The following DLG5 variants were observed in gnomAD, a reference collection of about 807,000 sequenced individuals.
The protein encoded by DLG5 is discs large MAGUK scaffold protein 5.
A neutral mutation model predicts 189.8 loss-of-function variants in DLG5; 48 were observed. That is an observed-to-expected ratio of 0.25 (90% confidence interval 0.20 to 0.32). DLG5 has a LOEUF of 0.32. Among genes scored for constraint, DLG5 ranks in the 10% least tolerant of loss-of-function variants. The pLI, the probability that DLG5 is intolerant of heterozygous loss-of-function variation, is 1.00. For synonymous variants in DLG5, 1,016 were observed against 1,054.1 expected (o/e 0.96, Z 0.70); for missense variants, 2,160 against 2,544.7 (o/e 0.85, Z 3.25).
rs182334689 is a variant in DLG5 at position 77,823,039 on chromosome 10, C to T, written c.2383-938G>A. Among the ~76,000 whole-genome samples, 9 of 152,272 alleles carry T rather than the reference C, an allele frequency of 5.9e-5. No homozygotes were observed. The East Asian group carries it at 1.7e-3, about 29-fold the overall frequency. Reference sequence around the variant, plus strand: ...TCACAGAAAATACACCAAGACTGAACCTTAATGTAAACTATGCATTATAGT... The same window carrying T: ...TCACAGAAAATACACCAAGACTGAATCTTAATGTAAACTATGCATTATAGT... On this transcript the variant is annotated intron_variant, in intron 14 of 31. Coordinates refer to ENST00000372391, the MANE Select transcript of DLG5 (RefSeq NM_004747.4).
intron 6 of DLG5, among the ~76,000 whole-genome samples, chr10:77,842,787 ACT>A (rs1843488424): frequency 6.6e-6 from 1 of 152,058 alleles, no homozygotes; most frequent in Non-Finnish European, 1.5e-5. Flanking sequence ...TGTTTGGGAA[ACT>A]CTGCATCTTG....
intron 1 of DLG5, among the ~76,000 whole-genome samples, chr10:77,904,024 G>T (rs1333944275): frequency 2.0e-5 from 3 of 152,176 alleles, no homozygotes; most frequent in Non-Finnish European, 4.4e-5. Context: ...GCTGCTCTAA[G>T]TCAAGTGTGG....
intron 11 of DLG5, among the ~76,000 whole-genome samples, chr10:77,829,965 T>C (rs985646556): frequency 6.6e-6 from 1 of 152,198 alleles, no homozygotes; most frequent in Non-Finnish European, 1.5e-5. Context: ...CGCATACCCC[T>C]TGAGCACTTT....
intron 1 of DLG5, among the ~76,000 whole-genome samples, chr10:77,873,240 C>G (rs1488172514): frequency 6.6e-6 from 1 of 152,218 alleles, no homozygotes; most frequent in East Asian, 1.9e-4. Context: ...AAGGAACTAC[C>G]TGGGCAACGT....
rs533159178 is a variant in DLG5, at chr10:77,824,197, C to A, written c.2382+187G>T. 1.2e-4 allele frequency among the ~76,000 whole-genome samples: 19 copies of A among 152,364 alleles called. 1 individual carries two copies. The South Asian group carries it at 3.9e-3, about 32-fold the overall frequency. The stretch of plus-strand genomic sequence containing the variant: ...TTCAAATGTACCCAACTGTGCCCAA[C>A]ATGGCCTTGACTGCTGTTTTTTGAT... On this transcript the variant is annotated intron_variant, in intron 14 of 31. Transcript: ENST00000372391.
At chr10:77,822,692 TTAAACA>T (rs949720779) in intron 14 of DLG5, among the ~76,000 whole-genome samples, 30 of 152,278 alleles carry the variant, frequency 2.0e-4, no homozygotes, top group Non-Finnish European at 1.9e-4. Context: ...TTTTTAAATA[TTAAACA>T]TAAAAGTAAA....
chr10:77,818,872 A>T (rs1842193601), intron 17 of DLG5, among the ~76,000 whole-genome samples: 1 of 152,008 alleles, frequency 6.6e-6, no homozygotes, highest in South Asian at 2.1e-4. Flanking sequence ...GTATCCTCTT[A>T]TAATTAGGAT....
chr10:77,880,962 C>CTTTTTTTT (rs61636782), intron 1 of DLG5, among the ~76,000 whole-genome samples: 5 of 73,238 alleles, frequency 6.8e-5, no homozygotes, highest in Non-Finnish European at 1.2e-4. Flanking sequence ...AACCCTAGAC[C>CTTTTTTTT]TTTTTTTTTT....
chr10:77,871,536 CTT>C (rs34326711), intron 1 of DLG5, among the ~76,000 whole-genome samples: 13 of 83,910 alleles, frequency 1.5e-4, no homozygotes, highest in Admixed American at 3.7e-4. Context: ...AAGCATCACA[CTT>C]TTTTTTTTTT....
intron 27 of DLG5, among the ~76,000 whole-genome samples, chr10:77,800,077 G>T (rs1394081049): frequency 3.3e-5 from 5 of 152,164 alleles, no homozygotes; most frequent in Admixed American, 6.5e-5. Flanking sequence ...TTGCAGGTGG[G>T]TGCACAATCA....
the DLG5 span, among the ~76,000 whole-genome samples, chr10:77,935,325 T>G: frequency 6.6e-6 from 1 of 152,042 alleles, no homozygotes; most frequent in African/African-American, 2.4e-5. Flanking sequence ...GACACTGCCC[T>G]AGGCACTCAA....
rs1842380572 is a variant in DLG5 at position 77,821,835 on chromosome 10, G to A, written c.2649C>T (p.Ala883=). Reference sequence around the variant, plus strand: ...GGCTACGCTCAGAGGCACTGGGACAGGCCTGGGGGCAGACCTGCAAGGGTC... The same window carrying A: ...GGCTACGCTCAGAGGCACTGGGACAAGCCTGGGGGCAGACCTGCAAGGGTC... ...PGGPLQVCPQ[A]CPSASERSLS... is the part of the protein sequence containing the mutation. Residue 883 remains alanine (A), a synonymous_variant, in exon 15 of 32, where the codon GCC becomes GCT. Coordinates refer to ENST00000372391, the MANE Select transcript of DLG5 (RefSeq NM_004747.4). The A allele has an allele frequency of 1.2e-6, 2 of 1,613,712 alleles. No homozygotes were observed. Among genetic ancestry groups the A allele is most frequent in the Admixed American group, 3.3e-5 (2 of 59,942 alleles).
At chr10:77,936,496 A>C in the DLG5 span, among the ~76,000 whole-genome samples, 1 of 151,888 alleles carries the variant, frequency 6.6e-6, no homozygotes, top group African/African-American at 2.4e-5. Flanking sequence ...AGACCTAGTC[A>C]TGAATCTTGC....
At chr10:77,812,821 C>A (rs958927056) in intron 20 of DLG5, among the ~76,000 whole-genome samples, 2 of 152,254 alleles carry the variant, frequency 1.3e-5, no homozygotes, top group Admixed American at 6.5e-5. Flanking sequence ...ACTGGCTACA[C>A]AGAGTGATGC....
At chr10:77,923,557 G>A (rs561113050) in intron 1 of DLG5, among the ~76,000 whole-genome samples, 3 of 152,284 alleles carry the variant, frequency 2.0e-5, no homozygotes, top group South Asian at 2.1e-4. Context: ...TCAGGAGTTC[G>A]AGACCATCCT....
chr10:77,805,073 G>A (rs988106139), intron 27 of DLG5, among the ~76,000 whole-genome samples: 46 of 152,178 alleles, frequency 3.0e-4, no homozygotes, highest in Middle Eastern at 3.4e-3. Flanking sequence ...GGGTTCAAGG[G>A]ATTCTCCTGC....
rs1428260742 is a variant in DLG5, at chr10:77,905,095, C to T, written c.304+21122G>A. ...AGTGAGCCGAGATCGCGCCACTGCA[C>T]TCTAGCCTGGGCGACAAGAGCGAGA... On this transcript the variant is annotated intron_variant, in intron 1 of 31. Coordinates refer to ENST00000372391, the MANE Select transcript of DLG5 (RefSeq NM_004747.4). Among the ~76,000 whole-genome samples the T allele has an allele frequency of 4.1e-5, 6 of 147,830 alleles. No homozygotes were observed. The South Asian group carries it at 1.1e-3, about 26-fold the overall frequency.
the DLG5 span, among the ~76,000 whole-genome samples, chr10:77,940,665 C>T: frequency 1.3e-5 from 2 of 152,160 alleles, no homozygotes; most frequent in Non-Finnish European, 2.9e-5. Context: ...AAAATGCTGA[C>T]TTACCCGAGG....
Position 77,806,738 on chromosome 10 carries a change from C to CCCCCCCCCCCCCACAA in DLG5, c.4967+19_4967+20insTTGTGGGGGGGGGGGG. 1 of 1,574,710 alleles carries CCCCCCCCCCCCCACAA rather than the reference C, an allele frequency of 6.4e-7. No homozygotes were observed. The highest frequency in any genetic ancestry group is 8.7e-7 in the Non-Finnish European group (1 of 1,147,898). ...CGGCGACCCCTGCCCCACCCCACCC[C>CCCCCCCCCCCCCACAA]AGGCCCGGAGAACACTTACACATAT... On this transcript the variant is annotated intron_variant, in intron 26 of 31. Transcript: ENST00000372391.
Sources: allele counts gnomAD v4.1 joint callset (sites outside exome capture counted in the v4.1 genomes callset), GRCh38; gene constraint gnomAD v4.1.1; transcripts MANE v1.5; gene names NCBI Gene and HGNC (gene_info 2026-07-23, HGNC 2026-07-21).